NLGN1: variants seen among roughly 807,000 people sequenced by gnomAD.
The protein encoded by NLGN1 is neuroligin 1.
NLGN1 carries 12 observed loss-of-function variants against 65.5 expected under a neutral mutation model. The ratio of observed to expected loss-of-function variants is 0.18; its 90% CI spans 0.12 to 0.30. NLGN1 has a LOEUF of 0.30. Ranked by LOEUF, NLGN1 falls within the 10% of genes least tolerant of loss-of-function variation. The pLI, the probability that NLGN1 is intolerant of heterozygous loss-of-function variation, is 1.00. For synonymous variants in NLGN1, 350 were observed against 359.5 expected (o/e 0.97, Z 0.30); for missense variants, 750 against 1,007.1 (o/e 0.74, Z 3.46).
chr3:173,792,008 A>G (rs1232394735), intron 3 of NLGN1, among the ~76,000 whole-genome samples: 2 of 152,274 alleles, frequency 1.3e-5, no homozygotes, highest in Non-Finnish European at 2.9e-5. Context: ...ATCAGGCAAG[A>G]TAGACAGAGG....
At chr3:174,243,420 G>A (rs1010616652) in intron 4 of NLGN1, among the ~76,000 whole-genome samples, 2 of 152,162 alleles carry the variant, frequency 1.3e-5, no homozygotes, top group African/African-American at 4.8e-5. Flanking sequence ...ATAAGCTGCC[G>A]CCACAAAGCA....
At chr3:173,857,850 C>G (rs1728293776) in intron 4 of NLGN1, among the ~76,000 whole-genome samples, 1 of 136,856 alleles carries the variant, frequency 7.3e-6, no homozygotes. Flanking sequence ...CAGTATTGTC[C>G]TATACAAAAC....
intron 3 of NLGN1, among the ~76,000 whole-genome samples, chr3:173,645,733 T>A (rs978670345): frequency 6.6e-6 from 1 of 152,130 alleles, no homozygotes; most frequent in Non-Finnish European, 1.5e-5. Flanking sequence ...AATCCAGTAT[T>A]AGAGACTCAT....
intron 4 of NLGN1, among the ~76,000 whole-genome samples, chr3:173,909,600 A>G (rs1348325028): frequency 2.0e-5 from 3 of 152,302 alleles, no homozygotes; most frequent in Admixed American, 6.5e-5. Context: ...CAGTGGTTAC[A>G]TTTAAGTATG....
intron 3 of NLGN1, among the ~76,000 whole-genome samples, chr3:173,705,304 A>G (rs554001521): frequency 1.3e-4 from 20 of 152,314 alleles, no homozygotes; most frequent in African/African-American, 4.3e-4. Flanking sequence ...TTTTGATATA[A>G]AGAAATAGGT....
intron 4 of NLGN1, among the ~76,000 whole-genome samples, chr3:173,817,737 A>T (rs1327146219): frequency 1.3e-5 from 2 of 152,158 alleles, no homozygotes; most frequent in African/African-American, 4.8e-5. Flanking sequence ...TGTAATCATG[A>T]TGCCTCCTTA....
chr3:173,848,040 G>T (rs926190615), intron 4 of NLGN1, among the ~76,000 whole-genome samples: 7 of 152,038 alleles, frequency 4.6e-5, no homozygotes, highest in Non-Finnish European at 1.0e-4. Context: ...TTTGTTAATG[G>T]TAGGGTATGA....
intron 3 of NLGN1, among the ~76,000 whole-genome samples, chr3:173,760,073 C>G (rs1394527584): frequency 6.6e-6 from 1 of 152,032 alleles, no homozygotes; most frequent in South Asian, 2.1e-4. Flanking sequence ...TATTTCTGAA[C>G]CATGTGTGCT....
chr3:173,414,861 A>G (rs1164482321), intron 1 of NLGN1, among the ~76,000 whole-genome samples: 1 of 152,176 alleles, frequency 6.6e-6, no homozygotes, highest in Non-Finnish European at 1.5e-5. Context: ...GACAATAGGA[A>G]TCAGATAAGA....
chr3:173,704,181 A>G (rs1367094347), intron 3 of NLGN1, among the ~76,000 whole-genome samples: 1 of 152,208 alleles, frequency 6.6e-6, no homozygotes. Context: ...ATAAACTGGG[A>G]AGACAAAGTT....
At chr3:173,646,209 T>C (rs1242547942) in intron 3 of NLGN1, among the ~76,000 whole-genome samples, 2 of 152,138 alleles carry the variant, frequency 1.3e-5, no homozygotes, top group Non-Finnish European at 2.9e-5. Context: ...AAAAAAAAAT[T>C]ATCAATGTGG....
chr3:173,979,037 A>G (rs536854306), intron 4 of NLGN1, among the ~76,000 whole-genome samples: 28 of 151,918 alleles, frequency 1.8e-4, no homozygotes, highest in African/African-American at 6.5e-4. Flanking sequence ...AATGAGTAAA[A>G]TATCTATTTT....
At chr3:173,699,149 C>T (rs1578010817) in intron 3 of NLGN1, among the ~76,000 whole-genome samples, 2 of 152,176 alleles carry the variant, frequency 1.3e-5, no homozygotes, top group East Asian at 1.9e-4. Flanking sequence ...AGCCACCGCA[C>T]CTGGCTCAAG....
At chr3:174,172,759 C>T (rs1728778593) in intron 4 of NLGN1, among the ~76,000 whole-genome samples, 2 of 152,182 alleles carry the variant, frequency 1.3e-5, no homozygotes, top group Admixed American at 6.6e-5. Flanking sequence ...GTCATTCCTC[C>T]AGTTTTGTTC....
chr3:173,978,834 TAAAAAAAAAAA>T (rs34496124), intron 4 of NLGN1, among the ~76,000 whole-genome samples: 2 of 111,276 alleles, frequency 1.8e-5, no homozygotes, highest in African/African-American at 6.7e-5. Flanking sequence ...CTTCTCTAAT[TAAAAAAAAAAA>T]AAAAAAAAAA....
chr3:174,207,101 T>C (rs1048827217), intron 4 of NLGN1, among the ~76,000 whole-genome samples: 4 of 152,126 alleles, frequency 2.6e-5, no homozygotes, highest in Non-Finnish European at 4.4e-5. Flanking sequence ...AAAAGTTCTT[T>C]TTCTTTTTCT....
intron 4 of NLGN1, among the ~76,000 whole-genome samples, chr3:174,051,818 A>G (rs563150841): frequency 1.2e-4 from 18 of 152,042 alleles, no homozygotes; most frequent in Non-Finnish European, 2.2e-4. Context: ...AGAGAAAAGT[A>G]TATCCCTCAC....
chr3:174,068,578 T>C (rs1739161315), intron 4 of NLGN1, among the ~76,000 whole-genome samples: 1 of 152,194 alleles, frequency 6.6e-6, no homozygotes, highest in Non-Finnish European at 1.5e-5. Flanking sequence ...GTCTATCTTA[T>C]ACTCAGAATT....
intron 2 of NLGN1, among the ~76,000 whole-genome samples, chr3:173,479,955 C>T (rs983283049): frequency 5.3e-5 from 8 of 152,036 alleles, no homozygotes; most frequent in Admixed American, 3.9e-4. Flanking sequence ...GACTTGCAGA[C>T]GATGATGATT....
Sources: allele counts gnomAD v4.1 joint callset (sites outside exome capture counted in the v4.1 genomes callset), GRCh38; gene constraint gnomAD v4.1.1; transcripts MANE v1.5; gene names NCBI Gene and HGNC (gene_info 2026-07-23, HGNC 2026-07-21).